Variants in INTU observed in about 807,000 individuals in gnomAD.
INTU encodes protein inturned.
In INTU, 68 loss-of-function variants were observed where a neutral mutation model predicts 100.5. The ratio of observed to expected loss-of-function variants is 0.68; its 90% CI spans 0.56 to 0.83. The LOEUF (loss-of-function observed/expected upper bound fraction) is 0.83, where lower values mean the gene tolerates loss of function less well. Ranked by LOEUF, INTU falls within the 40% of genes least tolerant of loss-of-function variation. The pLI is 0.00. For synonymous variants in INTU, 357 were observed against 395.7 expected (o/e 0.90, Z 1.16); for missense variants, 1,071 against 1,114.7 (o/e 0.96, Z 0.56).
At chr4:127,703,680 C>T in intron 9 of INTU, among the ~76,000 whole-genome samples, 1 of 151,980 alleles carries the variant, frequency 6.6e-6, no homozygotes, top group Non-Finnish European at 1.5e-5. Flanking sequence ...GCCATTCCTC[C>T]ATTGTTGAAT....
chr4:127,687,396 G>A (rs1334970040), intron 7 of INTU: 1 of 187,448 alleles, frequency 5.3e-6, no homozygotes, highest in East Asian at 1.3e-4. Flanking sequence ...GGGTACTTCA[G>A]CCCTTTCTTT....
chr4:127,656,160 G>A (rs1394794919), intron 2 of INTU, among the ~76,000 whole-genome samples: 1 of 152,170 alleles, frequency 6.6e-6, no homozygotes, highest in South Asian at 2.1e-4. Context: ...ACCTCAGATG[G>A]AAATGCAGAA....
In INTU at chr4:127,632,991, G is replaced by A. The variant is rs776128774; in HGVS notation, c.-44G>A. 6.3e-7 allele frequency: 1 copy of A among 1,582,502 alleles called. No individual in the cohort carries two copies. The highest frequency in any genetic ancestry group is 2.3e-5 in the East Asian group (1 of 44,184). On this transcript the variant is annotated 5_prime_UTR_variant, in exon 1 of 16. Coordinates refer to ENST00000335251, the MANE Select transcript of INTU (RefSeq NM_015693.4). The stretch of plus-strand genomic sequence containing the variant: ...ATGGCGGCCTTAGCAAGCTATAGCT[G>A]CGAGATTTGAATTACTCCACTCGTA...
Position 127,632,968 on chromosome 4 carries a change from G to A in INTU, c.-67G>A. On this transcript the variant is annotated 5_prime_UTR_variant, in exon 1 of 16. An upstream start codon of the reference 5' UTR is lost. Transcript: ENST00000335251. Reference sequence around the variant, plus strand: ...GCCCCTTCCCAAGCAGAGGCAACATGGCGGCCTTAGCAAGCTATAGCTGCG... The same window carrying A: ...GCCCCTTCCCAAGCAGAGGCAACATAGCGGCCTTAGCAAGCTATAGCTGCG... 1 of 1,516,500 alleles carries A rather than the reference G, an allele frequency of 6.6e-7. No individual in the cohort carries two copies. The highest frequency in any genetic ancestry group is 8.9e-7 in the Non-Finnish European group (1 of 1,117,570). 93.9% of individuals were successfully genotyped at this position (1,516,500 alleles called of 1,614,324 possible).
intron 1 of INTU, among the ~76,000 whole-genome samples, chr4:127,636,338 G>A (rs1403296105): frequency 6.6e-6 from 1 of 151,844 alleles, no homozygotes; most frequent in Non-Finnish European, 1.5e-5. Context: ...CCTATTCTGA[G>A]CTGGGCTCAC....
Position 127,721,430 on chromosome 4 carries a change from A to C in INTU, c.*4994A>C, listed in dbSNP as rs1478834576. On this transcript the variant is annotated 3_prime_UTR_variant, in exon 16 of 16. Transcript: ENST00000335251. ...TTTTTCCTTCATTTCAGTCTTGGAG[A>C]ATCTGATGATTATGTGTCTTGGGGT... 6.6e-6 allele frequency: 1 copy of C among 152,106 alleles called. No homozygotes were observed. Among genetic ancestry groups the C allele is most frequent in the East Asian group, 1.9e-4 (1 of 5,198 alleles). The allele number at this position is 152,106 out of a possible 1,614,324, so 9.4% of individuals were successfully genotyped here. A position where few individuals can be genotyped will look rare whatever the true frequency, so the allele number is the denominator to read the frequency against.
chr4:127,679,608 A>T (rs1007620939), intron 6 of INTU, among the ~76,000 whole-genome samples: 6 of 152,226 alleles, frequency 3.9e-5, no homozygotes, highest in African/African-American at 1.4e-4. Context: ...AAAGCAGTGC[A>T]TAGAGGGAAA....
intron 6 of INTU, chr4:127,676,013 G>A: frequency 5.2e-6 from 1 of 191,380 alleles, no homozygotes; most frequent in South Asian, 7.4e-5. Context: ...ATCACAAACA[G>A]GAATTCCAAA....
chr4:127,700,148 A>T, intron 9 of INTU, 85 bp downstream of exon 9: 2 of 1,089,710 alleles, frequency 1.8e-6, no homozygotes, highest in South Asian at 2.9e-5. Flanking sequence ...TACCAAGTGG[A>T]TATATAATAA....
chr4:127,714,717 T>C (rs557316993), intron 15 of INTU, among the ~76,000 whole-genome samples: 1 of 152,148 alleles, frequency 6.6e-6, no homozygotes, highest in Non-Finnish European at 1.5e-5. Context: ...TATTGTTTAT[T>C]TTCTTGTCCT....
chr4:127,691,521 G>A (rs1458578508), intron 8 of INTU, among the ~76,000 whole-genome samples: 1 of 151,950 alleles, frequency 6.6e-6, no homozygotes, highest in African/African-American at 2.4e-5. Flanking sequence ...CATATGATGT[G>A]GAATATCTTT....
rs202115590 is a variant in INTU, at chr4:127,673,502, G to GA, written c.1092-613dup. ...CACCCAGTTTTGAAGCTTTCTTTTG[G>GA]AAAAAAAAATTATATTTAGTCACTT... is the stretch of plus-strand genomic sequence containing the variant. On this transcript the variant is annotated intron_variant, in intron 5 of 15. Coordinates refer to ENST00000335251, the MANE Select transcript of INTU (RefSeq NM_015693.4). 5.4e-4 allele frequency among the ~76,000 whole-genome samples: 79 copies of GA among 147,216 alleles called. No homozygotes were observed. In the East Asian group the frequency reaches 0.012, roughly 23 times the overall value.
chr4:127,666,969 A>T (rs183113295), intron 4 of INTU, among the ~76,000 whole-genome samples: 1,812 of 152,094 alleles, frequency 0.012, 16 homozygotes, highest in South Asian at 0.037. Context: ...ACTTAGACAC[A>T]TTTTTTTTAT....
intron 1 of INTU, among the ~76,000 whole-genome samples, chr4:127,634,010 G>C (rs1037091519): frequency 6.6e-6 from 1 of 152,068 alleles, no homozygotes; most frequent in Non-Finnish European, 1.5e-5. Flanking sequence ...AACCATACCT[G>C]GTCAGTTTTA....
chr4:127,645,228 A>G (rs1727521919), intron 2 of INTU, among the ~76,000 whole-genome samples: 1 of 152,228 alleles, frequency 6.6e-6, no homozygotes, highest in South Asian at 2.1e-4. Flanking sequence ...GCCGGTGACT[A>G]CAGCTTAATT....
chr4:127,668,222 T>C (rs918132582), intron 4 of INTU, among the ~76,000 whole-genome samples: 1 of 152,056 alleles, frequency 6.6e-6, no homozygotes, highest in African/African-American at 2.4e-5. Context: ...TCTCTTTGTA[T>C]GAAAGTATTA....
chr4:127,636,875 CT>C (rs1327816982), intron 1 of INTU, among the ~76,000 whole-genome samples: 1 of 152,194 alleles, frequency 6.6e-6, no homozygotes, highest in African/African-American at 2.4e-5. Context: ...GCTCTGAACC[CT>C]GACTCCTTTT....
rs528887434 is a variant in INTU at position 127,633,279 on chromosome 4, C to A, written c.146+99C>A. The A allele has an allele frequency of 3.1e-5, 40 of 1,280,706 alleles. No homozygotes were observed. The African/African-American group carries it at 5.3e-4, about 17-fold the overall frequency. The allele number at this position is 1,280,706 out of a possible 1,614,324, so 79.3% of individuals were successfully genotyped here. On this transcript the variant is annotated intron_variant, in intron 1 of 15. Transcript: ENST00000335251. Reference sequence around the variant, plus strand: ...GCAAGGGTGTTGGCGTGGTTGGAATCGAGTATTTGGGGTTCTATAATAAGT... The same window carrying A: ...GCAAGGGTGTTGGCGTGGTTGGAATAGAGTATTTGGGGTTCTATAATAAGT...
At chr4:127,682,702 A>G (rs1729634720) in intron 6 of INTU, among the ~76,000 whole-genome samples, 1 of 151,956 alleles carries the variant, frequency 6.6e-6, no homozygotes, top group Admixed American at 6.6e-5. Flanking sequence ...ATATGTAACT[A>G]ACCTGCACAT....
Sources: allele counts gnomAD v4.1 joint callset (sites outside exome capture counted in the v4.1 genomes callset), GRCh38; gene constraint gnomAD v4.1.1; transcripts MANE v1.5; gene names NCBI Gene and HGNC (gene_info 2026-07-23, HGNC 2026-07-21).